The following MARCHF3 variants were observed in gnomAD, a reference collection of about 807,000 sequenced individuals.
MARCHF3 encodes the protein E3 ubiquitin-protein ligase MARCHF3.
A neutral mutation model predicts 24.2 loss-of-function variants in MARCHF3; 13 were observed. The ratio of observed to expected loss-of-function variants is 0.54; its 90% CI spans 0.35 to 0.85. MARCHF3 has a LOEUF of 0.85. Ranked by LOEUF, MARCHF3 falls within the 40% of genes least tolerant of loss-of-function variation. The probability of loss-of-function intolerance (pLI) is 0.01; values close to 1 mark genes in which losing one functional copy is unlikely to be tolerated. For missense variants in MARCHF3, 276 were observed against 325.0 expected (o/e 0.85, Z 1.16); for synonymous variants, 144 against 137.3 (o/e 1.05, Z -0.34).
intron 1 of MARCHF3, among the ~76,000 whole-genome samples, chr5:126,923,591 A>C (rs1749199262): frequency 6.6e-6 from 1 of 152,204 alleles, no homozygotes; most frequent in Admixed American, 6.5e-5. Flanking sequence ...TTCATACCCA[A>C]TTCCAGAGAT....
At chr5:126,891,061 T>C (rs1043737588) in intron 3 of MARCHF3, among the ~76,000 whole-genome samples, 18 of 151,278 alleles carry the variant, frequency 1.2e-4, no homozygotes, top group African/African-American at 4.1e-4. Context: ...TTTTTTCATG[T>C]GTTTTTTGAC....
intron 3 of MARCHF3, among the ~76,000 whole-genome samples, chr5:126,886,554 G>A (rs1179376305): frequency 6.6e-6 from 1 of 152,150 alleles, no homozygotes; most frequent in Non-Finnish European, 1.5e-5. Context: ...TGGTGAAGCA[G>A]CCTCTCTTAC....
At chr5:126,898,673 C>A (rs1754006083) in intron 3 of MARCHF3, among the ~76,000 whole-genome samples, 1 of 152,026 alleles carries the variant, frequency 6.6e-6, no homozygotes, top group African/African-American at 2.4e-5. Flanking sequence ...TGACTCTTCC[C>A]AGATGTAAGT....
intron 1 of MARCHF3, among the ~76,000 whole-genome samples, chr5:126,975,809 A>G (rs1266238676): frequency 6.6e-6 from 1 of 152,244 alleles, no homozygotes; most frequent in African/African-American, 2.4e-5. Context: ...TCAAAACTCA[A>G]ACCTTCACAT....
Position 126,899,324 on chromosome 5 carries a change from A to C in MARCHF3, c.393+15606T>G. The C allele has an allele frequency of 1.5e-5, 15 of 984,568 alleles. 1 individual carries two copies. The highest frequency in any genetic ancestry group is 1.8e-5 in the Non-Finnish European group (15 of 829,258). The allele number at this position is 984,568 out of a possible 1,614,324, so 61.0% of individuals were successfully genotyped here. A position where few individuals can be genotyped will look rare whatever the true frequency, so the allele number is the denominator to read the frequency against. The stretch of plus-strand genomic sequence containing the variant: ...AGAGCCACAAATAATTGAAGAGAAA[A>C]ATCAGTGTTTTCCTTTCTGGGTTGC... On this transcript the variant is annotated intron_variant, in intron 3 of 4. Transcript: ENST00000308660.
intron 1 of MARCHF3, among the ~76,000 whole-genome samples, chr5:126,985,027 G>C (rs903412495): frequency 6.6e-6 from 1 of 152,106 alleles, no homozygotes; most frequent in Non-Finnish European, 1.5e-5. Flanking sequence ...GTCAAAGGTG[G>C]GTGTGAGTGG....
chr5:126,934,726 A>G (rs1749586801), intron 1 of MARCHF3, among the ~76,000 whole-genome samples: 1 of 152,218 alleles, frequency 6.6e-6, no homozygotes, highest in African/African-American at 2.4e-5. Flanking sequence ...GGGGGAAGAA[A>G]GAAAAAGAAA....
chr5:127,016,506 A>C (rs1188124365), intron 1 of MARCHF3, among the ~76,000 whole-genome samples: 1 of 152,258 alleles, frequency 6.6e-6, no homozygotes, highest in Admixed American at 6.5e-5. Context: ...GACACATGAA[A>C]AAATGTTCAT....
chr5:127,026,584 A>G lies in MARCHF3; in HGVS notation c.-57+3766T>C, dbSNP rs56269956. Among the ~76,000 whole-genome samples, 76 of 152,384 alleles carry G rather than the reference A, an allele frequency of 5.0e-4. 1 individual carries two copies. Among genetic ancestry groups the G allele is most frequent in the African/African-American group, 1.8e-3 (76 of 41,596 alleles). Reference sequence around the variant, plus strand: ...ACAATTTGAAGAAAAAGGTTAAAAAATTGTAGATGATATGAACGACTAAGC... The same window carrying G: ...ACAATTTGAAGAAAAAGGTTAAAAAGTTGTAGATGATATGAACGACTAAGC... On this transcript the variant is annotated intron_variant, in intron 1 of 4. Transcript: ENST00000308660.
At chr5:127,021,205 A>C (rs977718420) in intron 1 of MARCHF3, among the ~76,000 whole-genome samples, 1 of 152,040 alleles carries the variant, frequency 6.6e-6, no homozygotes, top group East Asian at 1.9e-4. Flanking sequence ...CCCACCCCCC[A>C]CCAACACACA....
chr5:126,873,709 C>A (rs1011523519), intron 4 of MARCHF3, among the ~76,000 whole-genome samples: 2 of 152,262 alleles, frequency 1.3e-5, no homozygotes, highest in Admixed American at 1.3e-4. Context: ...CTTGTGTAGA[C>A]AAACAGATGA....
intron 1 of MARCHF3, among the ~76,000 whole-genome samples, chr5:126,951,843 G>A (rs1321748203): frequency 6.7e-6 from 1 of 149,414 alleles, no homozygotes; most frequent in Non-Finnish European, 1.5e-5. Flanking sequence ...TGTTTCCTCT[G>A]TAGGTGTTTA....
intron 1 of MARCHF3, among the ~76,000 whole-genome samples, chr5:127,024,861 A>G (rs1476637397): frequency 1.3e-5 from 2 of 152,194 alleles, no homozygotes; most frequent in African/African-American, 4.8e-5. Flanking sequence ...CAAAACCAGC[A>G]CATTTTGCTC....
chr5:127,021,101 A>G (rs1257054733), intron 1 of MARCHF3, among the ~76,000 whole-genome samples: 1 of 152,104 alleles, frequency 6.6e-6, no homozygotes, highest in African/African-American at 2.4e-5. Context: ...CAAACAGACT[A>G]AGATATCATC....
chr5:126,902,513 T>C (rs75147316), intron 3 of MARCHF3, among the ~76,000 whole-genome samples: 3,105 of 152,144 alleles, frequency 0.02, 79 homozygotes, highest in South Asian at 0.12. Context: ...AGAATCTGGT[T>C]ATGGAATTCT....
Position 126,951,647 on chromosome 5 carries a change from C to A in MARCHF3, c.-56-33420G>T, listed in dbSNP as rs559327399. 9.1e-4 allele frequency among the ~76,000 whole-genome samples: 139 copies of A among 152,276 alleles called. 1 individual carries two copies. Among genetic ancestry groups the A allele is most frequent in the African/African-American group, 3.1e-3 (130 of 41,562 alleles). ...TATACCTCTGTACCCACGCTCAAAT[C>A]ATTTTGAGCCCATTTATTTCTCTGC... On this transcript the variant is annotated intron_variant, in intron 1 of 4. Coordinates refer to ENST00000308660, the MANE Select transcript of MARCHF3 (RefSeq NM_178450.5).
chr5:127,001,929 A>G (rs1012093017), intron 1 of MARCHF3, among the ~76,000 whole-genome samples: 2 of 152,250 alleles, frequency 1.3e-5, no homozygotes. Context: ...AAAGTCAAGC[A>G]TGAATTACTT....
chr5:127,030,112 C>G (rs1272691024), intron 1 of MARCHF3: 1 of 152,166 alleles, frequency 6.6e-6, no homozygotes, highest in African/African-American at 2.4e-5. Flanking sequence ...CTACCCATGT[C>G]AATTACGCCA....
intron 1 of MARCHF3, among the ~76,000 whole-genome samples, chr5:127,008,390 T>C (rs1285673071): frequency 6.6e-6 from 1 of 152,112 alleles, no homozygotes; most frequent in Non-Finnish European, 1.5e-5. Context: ...TCAAGTGAGG[T>C]TACTGGGGTG....
Sources: allele counts gnomAD v4.1 joint callset (sites outside exome capture counted in the v4.1 genomes callset), GRCh38; gene constraint gnomAD v4.1.1; transcripts MANE v1.5; gene names NCBI Gene and HGNC (gene_info 2026-07-23, HGNC 2026-07-21).